GRM7: variants seen among roughly 807,000 people sequenced by gnomAD.
The protein encoded by GRM7 is metabotropic glutamate receptor 7.
A neutral mutation model predicts 84.5 loss-of-function variants in GRM7; 35 were observed. The ratio of observed to expected loss-of-function variants is 0.41; its 90% CI spans 0.32 to 0.55. The LOEUF is 0.55. Ranked by LOEUF, GRM7 falls within the 20% of genes least tolerant of loss-of-function variation. The probability of loss-of-function intolerance (pLI) is 0.19; values close to 1 mark genes in which losing one functional copy is unlikely to be tolerated. For synonymous variants in GRM7, 487 were observed against 455.1 expected (o/e 1.07, Z -0.89); for missense variants, 1,003 against 1,194.6 (o/e 0.84, Z 2.36).
At chr3:6,873,962 G>A (rs750406489) in intron 1 of GRM7, among the ~76,000 whole-genome samples, 3 of 152,208 alleles carry the variant, frequency 2.0e-5, no homozygotes, top group Non-Finnish European at 4.4e-5. Context: ...GGATAATCAG[G>A]CAATGGGCAA....
chr3:7,602,812 G>A (rs368631418), intron 8 of GRM7, among the ~76,000 whole-genome samples: 1 of 152,100 alleles, frequency 6.6e-6, no homozygotes, highest in Non-Finnish European at 1.5e-5. Context: ...GCTTTGATGC[G>A]TCTTGTATAA....
intron 1 of GRM7, among the ~76,000 whole-genome samples, chr3:7,074,105 G>C (rs1441837401): frequency 6.6e-6 from 1 of 152,174 alleles, no homozygotes; most frequent in Admixed American, 6.5e-5. Flanking sequence ...ATATTAATAA[G>C]AGTAGCAAAA....
intron 2 of GRM7, among the ~76,000 whole-genome samples, chr3:7,174,155 A>C (rs1477076403): frequency 6.6e-6 from 1 of 152,188 alleles, no homozygotes; most frequent in African/African-American, 2.4e-5. Flanking sequence ...CAGGTAGCAG[A>C]AATCACTTAA....
At chr3:7,516,370 G>C (rs530386888) in intron 7 of GRM7, among the ~76,000 whole-genome samples, 15,246 of 149,266 alleles carry the variant, frequency 0.1, 1,359 homozygotes, top group African/African-American at 0.24. Context: ...CCAGCTACTT[G>C]GGGGGCTGAG....
At chr3:7,712,772 G>A (rs1415578874) in intron 9 of GRM7, among the ~76,000 whole-genome samples, 1 of 152,094 alleles carries the variant, frequency 6.6e-6, no homozygotes, top group Non-Finnish European at 1.5e-5. Flanking sequence ...ATAATGAACT[G>A]GATATAGTTC....
intron 4 of GRM7, among the ~76,000 whole-genome samples, chr3:7,361,003 C>T (rs957266829): frequency 1.3e-5 from 2 of 152,036 alleles, no homozygotes; most frequent in African/African-American, 4.8e-5. Context: ...GGCTCTTGAA[C>T]TGATGCCTAA....
chr3:7,373,449 C>T (rs935504762), intron 4 of GRM7, among the ~76,000 whole-genome samples: 1 of 152,100 alleles, frequency 6.6e-6, no homozygotes, highest in African/African-American at 2.4e-5. Flanking sequence ...CCTTCTGGTG[C>T]CTGCTAGGTC....
At chr3:7,087,452 G>A (rs1335489901) in intron 1 of GRM7, among the ~76,000 whole-genome samples, 5 of 150,974 alleles carry the variant, frequency 3.3e-5, no homozygotes, top group South Asian at 2.1e-4. Context: ...CTTTTTTCAG[G>A]TGATAGCTAG....
chr3:7,190,124 C>T (rs1225750279), intron 2 of GRM7, among the ~76,000 whole-genome samples: 1 of 152,100 alleles, frequency 6.6e-6, no homozygotes, highest in East Asian at 1.9e-4. Flanking sequence ...AGCCAGGAGC[C>T]ATGGTGAAGG....
At chr3:7,055,477 CTGTGTGTGTGTGTG>C (rs148298277) in intron 1 of GRM7, among the ~76,000 whole-genome samples, 1 of 143,586 alleles carries the variant, frequency 7.0e-6, no homozygotes, top group African/African-American at 2.6e-5. Context: ...TTTTATATAT[CTGTGTGTGTGTGTG>C]TGTGTGTGTG....
intron 1 of GRM7, among the ~76,000 whole-genome samples, chr3:7,062,093 C>T (rs1356861969): frequency 6.6e-6 from 1 of 151,554 alleles, no homozygotes; most frequent in Non-Finnish European, 1.5e-5. Flanking sequence ...ACAAAGTAAG[C>T]CCACTCCGCT....
intron 4 of GRM7, among the ~76,000 whole-genome samples, chr3:7,331,779 A>G (rs114814597): frequency 0.016 from 2,384 of 152,266 alleles, 57 homozygotes; most frequent in African/African-American, 0.054. Context: ...ATTTCCCCCT[A>G]GGTAAACAGC....
chr3:7,338,091 A>G (rs1375492770), intron 4 of GRM7, among the ~76,000 whole-genome samples: 1 of 147,026 alleles, frequency 6.8e-6, no homozygotes, highest in Non-Finnish European at 1.5e-5. Context: ...TATATATTAT[A>G]TATCATCTAC....
intron 8 of GRM7, among the ~76,000 whole-genome samples, chr3:7,590,662 G>T (rs1262127137): frequency 6.6e-6 from 1 of 152,158 alleles, no homozygotes; most frequent in Non-Finnish European, 1.5e-5. Flanking sequence ...TCCTTCCCAG[G>T]ACCTTTGTTC....
intron 4 of GRM7, among the ~76,000 whole-genome samples, chr3:7,323,345 T>C (rs1283330526): frequency 6.6e-6 from 1 of 152,138 alleles, no homozygotes; most frequent in Non-Finnish European, 1.5e-5. Flanking sequence ...TGTCCCAGGC[T>C]AGCAGCCCCT....
chr3:7,258,024 T>C (rs1698272454), intron 2 of GRM7, among the ~76,000 whole-genome samples: 1 of 152,124 alleles, frequency 6.6e-6, no homozygotes, highest in Non-Finnish European at 1.5e-5. Context: ...ATACCCCAAC[T>C]CTAAAAGTGA....
At chr3:7,031,899 C>T (rs1696198715) in intron 1 of GRM7, among the ~76,000 whole-genome samples, 1 of 152,082 alleles carries the variant, frequency 6.6e-6, no homozygotes, top group African/African-American at 2.4e-5. Context: ...AACTTAGTGA[C>T]TTGGCCAAGA....
At chr3:7,693,735 C>G in intron 9 of GRM7, 1 of 1,147,070 alleles carries the variant, frequency 8.7e-7, no homozygotes, top group Non-Finnish European at 1.3e-6. Flanking sequence ...AGCTTTGCTA[C>G]CCAGCCCACC....
At chr3:7,057,526 C>T (rs1359959739) in intron 1 of GRM7, among the ~76,000 whole-genome samples, 1 of 151,866 alleles carries the variant, frequency 6.6e-6, no homozygotes, top group African/African-American at 2.4e-5. Context: ...GCAACAGCTG[C>T]CTTTTCAACA....
Sources: allele counts gnomAD v4.1 joint callset (sites outside exome capture counted in the v4.1 genomes callset), GRCh38; gene constraint gnomAD v4.1.1; transcripts MANE v1.5; gene names NCBI Gene and HGNC (gene_info 2026-07-23, HGNC 2026-07-21).